The following XYLT1 variants were observed in gnomAD, a reference collection of about 807,000 sequenced individuals.
XYLT1 encodes the protein beta-D-xylosyltransferase 1.
A neutral mutation model predicts 91.3 loss-of-function variants in XYLT1; 36 were observed. The ratio of observed to expected loss-of-function variants is 0.39; its 90% CI spans 0.30 to 0.52. XYLT1 has a LOEUF of 0.52. XYLT1 is among the 20% of genes least tolerant of loss of function. XYLT1 has a pLI of 0.68. For synonymous variants in XYLT1, 588 were observed against 532.0 expected (o/e 1.11, Z -1.45); for missense variants, 1,242 against 1,284.5 (o/e 0.97, Z 0.51).
At chr16:17,286,374 C>T (rs1195965906) in intron 2 of XYLT1, among the ~76,000 whole-genome samples, 1 of 152,126 alleles carries the variant, frequency 6.6e-6, no homozygotes, top group African/African-American at 2.4e-5. Context: ...TTAATACATC[C>T]AAGAATGTTC....
chr16:17,297,673 T>C (rs2034331991), intron 2 of XYLT1, among the ~76,000 whole-genome samples: 1 of 151,718 alleles, frequency 6.6e-6, no homozygotes, highest in African/African-American at 2.4e-5. Flanking sequence ...CAGTGAGCCA[T>C]GATCATGCCA....
chr16:17,305,395 T>C (rs551887565), intron 2 of XYLT1, among the ~76,000 whole-genome samples: 87 of 150,868 alleles, frequency 5.8e-4, no homozygotes, highest in Non-Finnish European at 6.5e-4. Flanking sequence ...TTACATATAA[T>C]ACAGAATACC....
intron 2 of XYLT1, among the ~76,000 whole-genome samples, chr16:17,338,894 GC>G (rs2035027345): frequency 6.6e-6 from 1 of 152,188 alleles, no homozygotes; most frequent in Admixed American, 6.5e-5. Flanking sequence ...GTGGGCAACA[GC>G]TCCTCCAGGA....
At chr16:17,244,715 T>A (rs896937447) in intron 3 of XYLT1, among the ~76,000 whole-genome samples, 1 of 152,206 alleles carries the variant, frequency 6.6e-6, no homozygotes, top group African/African-American at 2.4e-5. Context: ...CTTTGAGAGA[T>A]CTGAGAAAAC....
intron 2 of XYLT1, among the ~76,000 whole-genome samples, chr16:17,339,803 TTATC>T (rs2035039085): frequency 6.6e-6 from 1 of 152,058 alleles, no homozygotes; most frequent in Non-Finnish European, 1.5e-5. Context: ...CTGAGATATT[TTATC>T]TATCTATCCT....
chr16:17,438,058 C>T (rs748549550), intron 1 of XYLT1, among the ~76,000 whole-genome samples: 6 of 152,096 alleles, frequency 3.9e-5, no homozygotes, highest in East Asian at 1.9e-4. Context: ...ATGGAAAAGA[C>T]GAAAACCTTT....
At chr16:17,419,837 G>A (rs962381149) in intron 1 of XYLT1, among the ~76,000 whole-genome samples, 3 of 152,174 alleles carry the variant, frequency 2.0e-5, no homozygotes. Context: ...AGTATGGAAT[G>A]ACCTTGGCTA....
intron 5 of XYLT1, among the ~76,000 whole-genome samples, chr16:17,179,350 C>A (rs905005505): frequency 3.9e-5 from 6 of 152,148 alleles, no homozygotes; most frequent in African/African-American, 1.4e-4. Flanking sequence ...ATGTAACACA[C>A]CTGCACATGT....
chr16:17,198,519 C>T, intron 4 of XYLT1, 105 bp from the exon 5 acceptor site: 1 of 1,146,614 alleles, frequency 8.7e-7, no homozygotes, highest in Non-Finnish European at 1.2e-6. Flanking sequence ...TGGTTGGGCA[C>T]TTCTGAGCAC....
At chr16:17,454,940 T>G (rs2036720604) in intron 1 of XYLT1, among the ~76,000 whole-genome samples, 1 of 101,644 alleles carries the variant, frequency 9.8e-6, no homozygotes. Context: ...TTTAAAAACA[T>G]AAAATCCATC....
rs2030712241 is a variant in XYLT1, at chr16:17,136,183, T to G, written c.1765-1448A>C. On this transcript the variant is annotated intron_variant, in intron 8 of 11. Coordinates refer to ENST00000261381, the MANE Select transcript of XYLT1 (RefSeq NM_022166.4). ...TAACTTGGCAAGGCAGGTATTATGA[T>G]TCCCATTTTACAGATGAGAAAACTG... Among the ~76,000 whole-genome samples the G allele has an allele frequency of 2.0e-5, 3 of 152,318 alleles. No individual in the cohort carries two copies. In the East Asian group the frequency reaches 5.8e-4, roughly 29 times the overall value.
At chr16:17,267,211 T>C (rs1265587243) in intron 2 of XYLT1, among the ~76,000 whole-genome samples, 1 of 152,176 alleles carries the variant, frequency 6.6e-6, no homozygotes, top group African/African-American at 2.4e-5. Context: ...AGAGCCTCAT[T>C]TTTCTCATCT....
At chr16:17,346,581 C>G (rs1339336519) in intron 2 of XYLT1, among the ~76,000 whole-genome samples, 1 of 152,114 alleles carries the variant, frequency 6.6e-6, no homozygotes, top group African/African-American at 2.4e-5. Flanking sequence ...TTCCTGAGGC[C>G]AAAGGCAACC....
At chr16:17,284,871 T>G (rs1484097699) in intron 2 of XYLT1, among the ~76,000 whole-genome samples, 1 of 152,160 alleles carries the variant, frequency 6.6e-6, no homozygotes, top group African/African-American at 2.4e-5. Flanking sequence ...GGGGCTGTGA[T>G]ATGGAGAATA....
intron 2 of XYLT1, among the ~76,000 whole-genome samples, chr16:17,314,645 T>A (rs1201104292): frequency 6.6e-6 from 1 of 152,094 alleles, no homozygotes; most frequent in Non-Finnish European, 1.5e-5. Flanking sequence ...AGGCCTGTGA[T>A]GAAAGACACA....
chr16:17,285,872 CTCTGTGTGTGTG>C (rs898988966), intron 2 of XYLT1, among the ~76,000 whole-genome samples: 2 of 112,238 alleles, frequency 1.8e-5, no homozygotes, highest in African/African-American at 6.7e-5. Context: ...CCTGGTGTAT[CTCTGTGTGTGTG>C]TGTGTGTGTG....
intron 1 of XYLT1, among the ~76,000 whole-genome samples, chr16:17,431,250 T>C (rs2036386171): frequency 6.6e-6 from 1 of 152,214 alleles, no homozygotes; most frequent in Admixed American, 6.5e-5. Flanking sequence ...CTTATTTTGC[T>C]GACCTATGGC....
At chr16:17,330,748 C>T (rs901856647) in intron 2 of XYLT1, among the ~76,000 whole-genome samples, 6 of 151,240 alleles carry the variant, frequency 4.0e-5, no homozygotes, top group East Asian at 1.9e-4. Flanking sequence ...GAGCCAAGAT[C>T]GCGCCATTGC....
intron 3 of XYLT1, among the ~76,000 whole-genome samples, chr16:17,247,310 T>C: frequency 6.6e-6 from 1 of 152,160 alleles, no homozygotes; most frequent in East Asian, 1.9e-4. Flanking sequence ...GAATTCTATG[T>C]GCTCTTCGAA....
Sources: gnomAD v4.1 joint callset for allele counts (sites outside exome capture counted in the v4.1 genomes callset) on GRCh38, gnomAD v4.1.1 for gene constraint, MANE v1.5 for transcripts, NCBI Gene and HGNC (gene_info 2026-07-23, HGNC 2026-07-21) for gene names.